The following ERICH2 variants were observed in gnomAD, a reference collection of about 807,000 sequenced individuals.
The protein encoded by ERICH2 is glutamate-rich protein 2.
A neutral mutation model predicts 17.4 loss-of-function variants in ERICH2; 17 were observed. The ratio of observed to expected loss-of-function variants is 0.98; its 90% CI spans 0.67 to 1.47. The LOEUF is 1.47. ERICH2 is among the 40% of genes most tolerant of loss of function. The probability of loss-of-function intolerance (pLI) is 0.00; values close to 1 mark genes in which losing one functional copy is unlikely to be tolerated. For missense variants in ERICH2, 186 were observed against 183.2 expected, an observed-to-expected ratio of 1.01 and a Z score of -0.09; for synonymous variants, 51 against 61.1, an observed-to-expected ratio of 0.83 and a Z score of 0.77.
intron 2 of ERICH2, among the ~76,000 whole-genome samples, chr2:170,785,348 AGG>A: frequency 1.3e-5 from 2 of 152,122 alleles, no homozygotes; most frequent in East Asian, 3.8e-4. Context: ...TACTTTCACC[AGG>A]TTAGAGGTGA....
chr2:170,794,153 C>CTAGAGTA (rs1701362306), intron 3 of ERICH2, among the ~76,000 whole-genome samples: 1 of 117,222 alleles, frequency 8.5e-6, no homozygotes, highest in Non-Finnish European at 1.6e-5. Context: ...GTCACCGAGG[C>CTAGAGTA]TAGAGTACAG....
chr2:170,788,993 G>A (rs1701221120), intron 2 of ERICH2, among the ~76,000 whole-genome samples: 1 of 150,772 alleles, frequency 6.6e-6, no homozygotes, highest in Non-Finnish European at 1.5e-5. Context: ...ACAGAGTATT[G>A]CTCTGTCACC....
intron 1 of ERICH2, 133 bp from the exon 7 acceptor site, chr2:170,784,513 A>C (rs1701104367): frequency 4.0e-6 from 2 of 501,476 alleles, no homozygotes; most frequent in Admixed American, 7.6e-5. Context: ...TAGTGTTTTG[A>C]ATATAAGTTT....
upstream of ERICH2, among the ~76,000 whole-genome samples, chr2:170,778,824 G>T (rs889226397): frequency 6.6e-6 from 1 of 152,248 alleles, no homozygotes; most frequent in African/African-American, 2.4e-5. Context: ...TTGTATCAAT[G>T]AGCCCCAATG....
chr2:170,795,855 G>A (rs7568115), intron 3 of ERICH2, among the ~76,000 whole-genome samples: 102,087 of 152,004 alleles, frequency 0.67, 34,410 homozygotes, highest in East Asian at 0.79. Context: ...CATAATACAT[G>A]GAGGTCCGGA....
chr2:170,773,638 A>G, the ERICH2 span, among the ~76,000 whole-genome samples: 1 of 151,766 alleles, frequency 6.6e-6, no homozygotes, highest in East Asian at 1.9e-4. Flanking sequence ...TTCTCAAAGT[A>G]GAGTATCTTC....
chr2:170,786,768 G>T (rs1701169236), intron 2 of ERICH2, among the ~76,000 whole-genome samples: 1 of 151,810 alleles, frequency 6.6e-6, no homozygotes, highest in Admixed American at 6.6e-5. Context: ...ATAATCTGCT[G>T]TTAATCCCAT....
At chr2:170,795,550 A>C (rs1049036782) in intron 3 of ERICH2, among the ~76,000 whole-genome samples, 8 of 151,860 alleles carry the variant, frequency 5.3e-5, no homozygotes, top group Admixed American at 5.2e-4. Context: ...GTTTCACCAC[A>C]TTGCCCAGGT....
chr2:170,774,629 G>A, the ERICH2 span, among the ~76,000 whole-genome samples: 3 of 143,404 alleles, frequency 2.1e-5, no homozygotes, highest in Admixed American at 7.3e-5. Flanking sequence ...GCAGTGGCAC[G>A]CTCTCGGCTC....
the ERICH2 span, chr2:170,771,048 G>T: frequency 1.4e-5 from 2 of 143,584 alleles, no homozygotes; most frequent in Admixed American, 7.3e-5. This position sits in a 1 kb window ranked among gnomAD's most constrained non-coding sequence, Gnocchi z 4.8. Context: ...GCTGCTGCCC[G>T]AGCTTCCTCC....
Position 170,792,857 on chromosome 2 carries a change from T to G in ERICH2, c.217-6T>G, listed in dbSNP as rs1220004392. Reference sequence around the variant, plus strand: ...TCACTTATCTGAAGAATTTAATGTTTTCCAGTTTCTGAGAGCAGAAATGGC... The same window carrying G: ...TCACTTATCTGAAGAATTTAATGTTGTCCAGTTTCTGAGAGCAGAAATGGC... On this transcript the variant is annotated splice_polypyrimidine_tract_variant and splice_region_variant and intron_variant, in intron 2 of 4. Coordinates refer to ENST00000409885, the Ensembl canonical transcript of ERICH2. 6 of 1,499,446 alleles carry G rather than the reference T, an allele frequency of 4.0e-6. No individual in the cohort carries two copies. The highest frequency in any genetic ancestry group is 5.4e-6 in the Non-Finnish European group (6 of 1,117,190). 92.9% of individuals were successfully genotyped at this position (1,499,446 alleles called of 1,614,324 possible).
At chr2:170,795,212 A>G (rs1304916218) in intron 3 of ERICH2, among the ~76,000 whole-genome samples, 1 of 152,202 alleles carries the variant, frequency 6.6e-6, no homozygotes, top group African/African-American at 2.4e-5. Context: ...TGCTAGGCTC[A>G]AGTGATCTGT....
chr2:170,791,527 T>TG, intron 2 of ERICH2, among the ~76,000 whole-genome samples: 1 of 121,586 alleles, frequency 8.2e-6, no homozygotes, highest in Non-Finnish European at 1.7e-5. Flanking sequence ...CCGTCTCTAC[T>TG]AAAAAAAAAA....
intron 2 of ERICH2, among the ~76,000 whole-genome samples, chr2:170,787,783 C>G (rs751218963): frequency 6.6e-6 from 1 of 152,082 alleles, no homozygotes; most frequent in Non-Finnish European, 1.5e-5. Context: ...ATTTTTCTTC[C>G]TCATGCTGGC....
chr2:170,780,034 A>C, upstream of ERICH2: 1 of 168,900 alleles, frequency 5.9e-6, no homozygotes, highest in Non-Finnish European at 1.2e-5. Context: ...TGAGGAAAAA[A>C]TTCTAAAACT....
At chr2:170,794,087 CTTCT>C (rs1245813878) in intron 3 of ERICH2, among the ~76,000 whole-genome samples, 1 of 142,570 alleles carries the variant, frequency 7.0e-6, no homozygotes, top group Non-Finnish European at 1.5e-5. Context: ...TCCTTCCTTC[CTTCT>C]CTTTCCTTTC....
intron 1 of ERICH2, among the ~76,000 whole-genome samples, 181 bp from the exon 7 acceptor site, chr2:170,784,465 C>T (rs922251822): frequency 5.9e-5 from 9 of 151,994 alleles, no homozygotes; most frequent in African/African-American, 1.7e-4. Flanking sequence ...TAGTACATAC[C>T]GCCTTGATGT....
At chr2:170,783,136 AAATAAAAAT>A (rs1275815878), upstream of ERICH2, 27 of 86,970 alleles carry the variant, frequency 3.1e-4, no homozygotes, top group African/African-American at 8.9e-4. Flanking sequence ...AAATAAAAAT[AAATAAAAAT>A]AAAATAAAAA....
chr2:170,794,686 G>A (rs958590306), intron 3 of ERICH2, among the ~76,000 whole-genome samples: 3 of 152,110 alleles, frequency 2.0e-5, no homozygotes, highest in Non-Finnish European at 4.4e-5. Flanking sequence ...AATTAAACTT[G>A]TTGACAACAA....
Sources: gnomAD v4.1 joint callset for allele counts (sites outside exome capture counted in the v4.1 genomes callset) on GRCh38, gnomAD v4.1.1 for gene constraint, Gnocchi (gnomAD v3.1) non-coding constraint, MANE v1.5 for transcripts, NCBI Gene and HGNC (gene_info 2026-07-23, HGNC 2026-07-21) for gene names.